Variants in WAC observed in about 807,000 individuals in gnomAD.
WAC encodes the protein WW domain-containing adapter protein with coiled-coil.
WAC carries 11 observed loss-of-function variants against 79.6 expected under a neutral mutation model. That is an observed-to-expected ratio of 0.14 (90% confidence interval 0.09 to 0.23). WAC has a LOEUF of 0.23. Among genes scored for constraint, WAC ranks in the 10% least tolerant of loss-of-function variants. The pLI, the probability that WAC is intolerant of heterozygous loss-of-function variation, is 1.00. For missense variants in WAC, 728 were observed against 773.5 expected, an observed-to-expected ratio of 0.94 and a Z score of 0.70; for synonymous variants, 304 against 276.9, an observed-to-expected ratio of 1.10 and a Z score of -0.97.
chr10:28,539,340 C>T (rs192439192), intron 3 of WAC, among the ~76,000 whole-genome samples: 2 of 152,200 alleles, frequency 1.3e-5, no homozygotes, highest in Admixed American at 6.5e-5. Flanking sequence ...ATAAGACTTG[C>T]TGTAACATAG....
intron 3 of WAC, among the ~76,000 whole-genome samples, chr10:28,566,004 T>C (rs1001421377): frequency 8.5e-5 from 13 of 152,104 alleles, no homozygotes; most frequent in East Asian, 3.9e-4. Context: ...TTCATACTTA[T>C]AGTACTGCCA....
At chr10:28,568,142 A>G (rs973414358) in intron 3 of WAC, among the ~76,000 whole-genome samples, 6 of 152,112 alleles carry the variant, frequency 3.9e-5, no homozygotes, top group Admixed American at 3.9e-4. Context: ...TGGTCCCTTT[A>G]GTTATTTTTG....
At chr10:28,555,184 G>A (rs1837914167) in intron 3 of WAC, among the ~76,000 whole-genome samples, 1 of 152,052 alleles carries the variant, frequency 6.6e-6, no homozygotes, top group Non-Finnish European at 1.5e-5. Flanking sequence ...TCTTTATGTA[G>A]CAATGAGCTC....
intron 2 of WAC, among the ~76,000 whole-genome samples, chr10:28,534,666 T>C (rs895169052): frequency 4.6e-5 from 7 of 152,206 alleles, no homozygotes; most frequent in Admixed American, 1.3e-4. Flanking sequence ...CTAAGGATTA[T>C]GATGAAAGTG....
chr10:28,588,689 C>T (rs992005898), intron 4 of WAC: 1 of 152,052 alleles, frequency 6.6e-6, no homozygotes, highest in Non-Finnish European at 1.5e-5. Context: ...TAGTATAGTA[C>T]ATTATTTCAT....
chr10:28,620,020 A>G lies in WAC; in HGVS notation c.*414A>G, dbSNP rs1241851822. 6.5e-6 allele frequency: 1 copy of G among 153,940 alleles called. No individual in the cohort carries two copies. The highest frequency in any genetic ancestry group is 1.4e-5 in the Non-Finnish European group (1 of 69,044). The allele number at this position is 153,940 out of a possible 1,614,324, so 9.5% of individuals were successfully genotyped here. A position where few individuals can be genotyped will look rare whatever the true frequency, so the allele number is the denominator to read the frequency against. On this transcript the variant is annotated 3_prime_UTR_variant, in exon 14 of 14. Transcript: ENST00000354911. ...TATCATTCAGAAATCTTGCATTTTCAAAAATTCAGTGCAAGCGCCAGGCGA... is the reference window on the plus strand; with the variant it reads ...TATCATTCAGAAATCTTGCATTTTCGAAAATTCAGTGCAAGCGCCAGGCGA...
At chr10:28,577,744 C>T (rs910952813) in intron 3 of WAC, among the ~76,000 whole-genome samples, 1 of 152,058 alleles carries the variant, frequency 6.6e-6, no homozygotes, top group African/African-American at 2.4e-5. Context: ...TAGCATATTG[C>T]CATCTTTTCA....
chr10:28,568,868 G>A (rs928775901), intron 3 of WAC, among the ~76,000 whole-genome samples: 4 of 152,064 alleles, frequency 2.6e-5, no homozygotes, highest in Non-Finnish European at 5.9e-5. Flanking sequence ...CACTGTGCCC[G>A]GCCTAAGTTC....
rs1203060731 is a variant in WAC at position 28,590,847 on chromosome 10, T to G, written c.610+15T>G. 1 of 1,588,838 alleles carries G rather than the reference T, an allele frequency of 6.3e-7. No homozygotes were observed. The highest frequency in any genetic ancestry group is 1.7e-5 in the Admixed American group (1 of 57,610). ...TGCCAGTGGAAGTAAGTATTAATTT[T>G]TTTTCTTTGAAATGTATGTTTGACT... On this transcript the variant is annotated intron_variant, in intron 6 of 13. Transcript: ENST00000354911.
At chr10:28,566,163 A>G (rs1313613815) in intron 3 of WAC, among the ~76,000 whole-genome samples, 1 of 152,236 alleles carries the variant, frequency 6.6e-6, no homozygotes, top group African/African-American at 2.4e-5. Context: ...TCCAGGGAAG[A>G]ATACTTTCTG....
At chr10:28,565,617 A>G (rs1405122130) in intron 3 of WAC, among the ~76,000 whole-genome samples, 1 of 152,194 alleles carries the variant, frequency 6.6e-6, no homozygotes, top group African/African-American at 2.4e-5. Flanking sequence ...ATTATTATAA[A>G]TTGTTACTGT....
chr10:28,574,229 C>T (rs977877858), intron 3 of WAC, among the ~76,000 whole-genome samples: 1 of 152,148 alleles, frequency 6.6e-6, no homozygotes, highest in Non-Finnish European at 1.5e-5. Context: ...CTCACTACAA[C>T]CTCCGCCTCC....
chr10:28,578,840 C>T (rs1018922974), intron 3 of WAC, among the ~76,000 whole-genome samples: 1 of 152,066 alleles, frequency 6.6e-6, no homozygotes, highest in Non-Finnish European at 1.5e-5. Context: ...AAATGTCATT[C>T]TCTTGTACCG....
At chr10:28,548,836 A>G (rs960275822) in intron 3 of WAC, among the ~76,000 whole-genome samples, 10 of 152,120 alleles carry the variant, frequency 6.6e-5, no homozygotes, top group Non-Finnish European at 1.2e-4. Context: ...GTGTATATTG[A>G]GCATTTGAAA....
chr10:28,610,426 TAG>T (rs1416484818), intron 8 of WAC, among the ~76,000 whole-genome samples: 1 of 152,104 alleles, frequency 6.6e-6, no homozygotes, highest in Non-Finnish European at 1.5e-5. Flanking sequence ...TTAAATTTTG[TAG>T]AGAGACTTTG....
chr10:28,599,745 A>G (rs1840549712), intron 7 of WAC, among the ~76,000 whole-genome samples: 1 of 152,186 alleles, frequency 6.6e-6, no homozygotes, highest in Non-Finnish European at 1.5e-5. Flanking sequence ...AACGGTAGAG[A>G]AAGCTGCAGA....
chr10:28,544,979 C>T (rs570605746), intron 3 of WAC, among the ~76,000 whole-genome samples: 25 of 146,906 alleles, frequency 1.7e-4, no homozygotes, highest in African/African-American at 5.8e-4. Context: ...GCAGGAGAAT[C>T]GCTTAAACCC....
intron 3 of WAC, among the ~76,000 whole-genome samples, chr10:28,565,169 C>A (rs747213267): frequency 5.3e-5 from 8 of 152,158 alleles, no homozygotes; most frequent in Non-Finnish European, 8.8e-5. Flanking sequence ...CCTGTTTTAA[C>A]CGCTGGTTTG....
intron 4 of WAC, among the ~76,000 whole-genome samples, chr10:28,585,917 G>A (rs1839798641): frequency 6.6e-6 from 1 of 152,184 alleles, no homozygotes; most frequent in Non-Finnish European, 1.5e-5. Context: ...GCGTAGATAA[G>A]CTTGAATGAT....
Sources: allele counts gnomAD v4.1 joint callset (sites outside exome capture counted in the v4.1 genomes callset), GRCh38; gene constraint gnomAD v4.1.1; transcripts MANE v1.5; gene names NCBI Gene and HGNC (gene_info 2026-07-23, HGNC 2026-07-21).